SLC30A4: variants seen among roughly 807,000 people sequenced by gnomAD.
The protein encoded by SLC30A4 is solute carrier family 30 member 4, also known as probable proton-coupled zinc antiporter SLC30A4.
SLC30A4 carries 20 observed loss-of-function variants against 41.7 expected under a neutral mutation model. The observed-to-expected ratio is 0.48, with a 90% CI of 0.34 to 0.70. The LOEUF (loss-of-function observed/expected upper bound fraction) is 0.70, where lower values mean the gene tolerates loss of function less well. SLC30A4 is among the 30% of genes least tolerant of loss of function. SLC30A4 has a pLI of 0.01. For missense variants in SLC30A4, 441 were observed against 529.3 expected (o/e 0.83, Z 1.64); for synonymous variants, 181 against 195.9 (o/e 0.92, Z 0.64).
At chr15:45,514,360 T>A (rs1397996938) in intron 2 of SLC30A4, among the ~76,000 whole-genome samples, 12 of 77,928 alleles carry the variant, frequency 1.5e-4, no homozygotes, top group Non-Finnish European at 3.0e-4. Context: ...GAACTCTGTC[T>A]CAAAAAAAAA....
rs144009296 is a variant in SLC30A4, at chr15:45,496,875, AAAAT to A, written c.539-5998_539-5995del. On this transcript the variant is annotated intron_variant, in intron 3 of 7. Coordinates refer to ENST00000261867, the MANE Select transcript of SLC30A4 (RefSeq NM_013309.6). Reference sequence around the variant, plus strand: ...TAAATAAATAAATAAATAAATAAATAAAATAAATAGGTGTGGTAGCACATGCCTA... The same window carrying A: ...TAAATAAATAAATAAATAAATAAATAAAATAGGTGTGGTAGCACATGCCTA... Among the ~76,000 whole-genome samples the A allele has an allele frequency of 4.0e-3, 573 of 144,560 alleles. 4 individuals are homozygous for A. The highest frequency in any genetic ancestry group is 0.014 in the African/African-American group (549 of 38,804). The allele number at this position is 144,560 out of a possible 152,430, so 94.8% of individuals were successfully genotyped here.
chr15:45,520,247 CTTAT>C lies in SLC30A4; in HGVS notation c.391+1713_391+1716del, dbSNP rs753757048. ...GTGTGGGTTTTTTTAATTTTTATTA[CTTAT>C]TTATTTATTTATTATTTTATTTACT... On this transcript the variant is annotated intron_variant, in intron 2 of 7. Coordinates refer to ENST00000261867, the MANE Select transcript of SLC30A4 (RefSeq NM_013309.6). Among the ~76,000 whole-genome samples, 34 of 151,346 alleles carry C rather than the reference CTTAT, an allele frequency of 2.2e-4. 1 individual carries two copies. The highest frequency in any genetic ancestry group is 7.7e-4 in the East Asian group (4 of 5,176).
intron 3 of SLC30A4, among the ~76,000 whole-genome samples, chr15:45,493,958 A>C (rs564125634): frequency 6.6e-6 from 1 of 152,340 alleles, no homozygotes; most frequent in Admixed American, 6.5e-5. Context: ...AGATAATCAT[A>C]CTTTGAAAGA....
At chr15:45,511,339 G>C in intron 2 of SLC30A4, 55 bp from the exon 3 acceptor site, 1 of 1,311,538 alleles carries the variant, frequency 7.6e-7, no homozygotes, top group Non-Finnish European at 1.0e-6. Flanking sequence ...AAAAAAGCAA[G>C]CAATCAAACT....
At chr15:45,493,883 A>G (rs762163364) in intron 3 of SLC30A4, among the ~76,000 whole-genome samples, 1 of 152,176 alleles carries the variant, frequency 6.6e-6, no homozygotes, top group Non-Finnish European at 1.5e-5. Flanking sequence ...CAGAACAGAT[A>G]TAAGAATAAA....
chr15:45,497,625 GA>G (rs1234343537), intron 3 of SLC30A4, among the ~76,000 whole-genome samples: 4 of 151,900 alleles, frequency 2.6e-5, no homozygotes, highest in African/African-American at 4.8e-5. Context: ...AATGCTAAAA[GA>G]AAAAAATAAA....
Position 45,486,645 on chromosome 15 carries a change from T to A in SLC30A4, c.1101A>T (p.Ser367=), listed in dbSNP as rs763105081. Residue 367 remains serine, a synonymous_variant, in exon 7 of 8, where the codon TCA becomes TCT. Transcript: ENST00000261867. The stretch of plus-strand genomic sequence containing the variant: ...TGTGAACTATGGCAGTAGATTTTCC[T>A]GAAGTGAGAGACCAGATATTTAAAT... The part of the protein sequence containing the change: ...VEDLNIWSLT[S]GKSTAIVHIQ... The A allele has an allele frequency of 8.7e-6, 14 of 1,605,508 alleles. No homozygotes were observed. The highest frequency in any genetic ancestry group is 1.1e-5 in the Non-Finnish European group (13 of 1,177,182).
intron 2 of SLC30A4, chr15:45,520,764 TTTTG>T (rs1285846355): frequency 9.3e-6 from 2 of 215,872 alleles, no homozygotes; most frequent in African/African-American, 4.7e-5. Context: ...GAAGGAAAAC[TTTTG>T]TTTCAGTTAT....
At chr15:45,494,722 G>A (rs1330760972) in intron 3 of SLC30A4, among the ~76,000 whole-genome samples, 1 of 151,234 alleles carries the variant, frequency 6.6e-6, no homozygotes, top group Admixed American at 6.6e-5. Context: ...CTGTAAAGAA[G>A]AAATAATTTT....
chr15:45,499,479 C>T (rs181873658), intron 3 of SLC30A4, among the ~76,000 whole-genome samples: 77 of 152,000 alleles, frequency 5.1e-4, no homozygotes, highest in Non-Finnish European at 9.7e-4. Flanking sequence ...TTATCTAATT[C>T]GCACAACCTC....
At chr15:45,498,568 A>T (rs1159663948) in intron 3 of SLC30A4, among the ~76,000 whole-genome samples, 1 of 152,014 alleles carries the variant, frequency 6.6e-6, no homozygotes, top group Non-Finnish European at 1.5e-5. Context: ...TTCCATTATA[A>T]ATAATCTCCT....
chr15:45,513,026 G>T (rs1345747729), intron 2 of SLC30A4, among the ~76,000 whole-genome samples: 1 of 151,852 alleles, frequency 6.6e-6, no homozygotes, highest in Admixed American at 6.6e-5. Context: ...GGGGCCAGGT[G>T]CAGTGGCTCA....
intron 3 of SLC30A4, 76 bp from the exon 4 acceptor site, chr15:45,490,957 GTC>G: frequency 1.0e-6 from 1 of 957,390 alleles, no homozygotes; most frequent in Non-Finnish European, 1.5e-6. Context: ...ATATTATATA[GTC>G]TTTTTTATAT....
rs1039253781 is a variant in SLC30A4, at chr15:45,522,312, T to C, written c.43A>G (p.Arg15Gly). Residue 15 changes from arginine to glycine, a missense_variant, in exon 2 of 8, where the codon AGG becomes GGG. Physicochemically the swap from Arg to Gly is moderately radical, Grantham distance 125. Around this residue, in one of 3 missense-constraint regions of SLC30A4, gnomAD observed 312 missense variants for 341.9 expected, o/e 0.91. Coordinates refer to ENST00000261867, the MANE Select transcript of SLC30A4 (RefSeq NM_013309.6). ...AAAAACAGCGGCGCATCATCCTTCCTTAGCATAGATTTGAGGCGCTTCCAC... is the reference window on the plus strand; with the variant it reads ...AAAAACAGCGGCGCATCATCCTTCCCTAGCATAGATTTGAGGCGCTTCCAC... The part of the protein sequence containing the change: ...GAWKRLKSML[R>G]KDDAPLFLND... 1.9e-6 allele frequency: 3 copies of C among 1,613,808 alleles called. No homozygotes were observed. In the Admixed American group the frequency reaches 5.0e-5, roughly 27 times the overall value.
intron 3 of SLC30A4, among the ~76,000 whole-genome samples, chr15:45,495,419 G>C (rs1442137648): frequency 2.0e-5 from 3 of 152,110 alleles, no homozygotes; most frequent in Non-Finnish European, 4.4e-5. Flanking sequence ...AGTTACCCTA[G>C]TAGGTCTGTC....
At chr15:45,522,583 G>T in intron 1 of SLC30A4, 24 bp downstream of exon 1, 1 of 478,728 alleles carries the variant, frequency 2.1e-6, no homozygotes, top group Non-Finnish European at 3.6e-6. Flanking sequence ...GGCTCCGCGA[G>T]GGGGCGGCAC....
At position 45,522,402 on chromosome 15, in the gene SLC30A4, C is replaced by A. The variant is rs752397598; in HGVS notation, c.-48G>T. On this transcript the variant is annotated 5_prime_UTR_variant, in exon 2 of 8. Transcript: ENST00000261867. ...TGCGGAACGGCTTGGGGGAGGCGGA[C>A]GGCCGGCGGCGCCTACTTCACCGGA... 10 of 1,514,508 alleles carry A rather than the reference C, an allele frequency of 6.6e-6. No individual in the cohort carries two copies. The highest frequency in any genetic ancestry group is 7.9e-6 in the Non-Finnish European group (9 of 1,138,058). 93.8% of individuals were successfully genotyped at this position (1,514,508 alleles called of 1,614,324 possible).
intron 2 of SLC30A4, 78 bp downstream of exon 2, chr15:45,521,886 T>G (rs1892676831): frequency 6.2e-6 from 9 of 1,458,924 alleles, no homozygotes; most frequent in Non-Finnish European, 8.4e-6. Context: ...GGGTTAAACC[T>G]CAAAGCCTGT....
At chr15:45,503,477 A>C (rs1892083863) in intron 3 of SLC30A4, among the ~76,000 whole-genome samples, 1 of 151,856 alleles carries the variant, frequency 6.6e-6, no homozygotes, top group Non-Finnish European at 1.5e-5. Context: ...TTAGCTGGGC[A>C]TGGTGGTGGG....
Sources: allele counts gnomAD v4.1 joint callset (sites outside exome capture counted in the v4.1 genomes callset), GRCh38; gene constraint gnomAD v4.1.1; regional missense constraint gnomAD v4.1.1; transcripts MANE v1.5; gene names NCBI Gene and HGNC (gene_info 2026-07-23, HGNC 2026-07-21).